The following ABTB3 variants were observed in gnomAD, a reference collection of about 807,000 sequenced individuals.
ABTB3 encodes ankyrin repeat and BTB domain containing 3.
chr12:107,507,571 T>C, the ABTB3 span, among the ~76,000 whole-genome samples: 17 of 152,156 alleles, frequency 1.1e-4, no homozygotes, highest in Non-Finnish European at 2.4e-4. Context: ...CCCAGTGATA[T>C]ACGAGCCCCT....
the ABTB3 span, among the ~76,000 whole-genome samples, chr12:107,519,433 C>A: frequency 2.0e-5 from 3 of 151,622 alleles, no homozygotes; most frequent in Non-Finnish European, 4.4e-5. Context: ...AGCAATTCTC[C>A]TTCCTCAGCC....
At chr12:107,513,698 C>T in the ABTB3 span, among the ~76,000 whole-genome samples, 1 of 152,160 alleles carries the variant, frequency 6.6e-6, no homozygotes. Flanking sequence ...AACATAGACA[C>T]AGAGAAAAGC....
chr12:107,573,059 C>G, the ABTB3 span, among the ~76,000 whole-genome samples: 5 of 152,160 alleles, frequency 3.3e-5, no homozygotes, highest in Non-Finnish European at 7.4e-5. Flanking sequence ...GTGGCACTGA[C>G]CTTCACGCTG....
At chr12:107,646,882 C>G in the ABTB3 span, among the ~76,000 whole-genome samples, 1 of 152,130 alleles carries the variant, frequency 6.6e-6, no homozygotes, top group African/African-American at 2.4e-5. Flanking sequence ...TGCAGATGAC[C>G]GCTGACTAGA....
the ABTB3 span, among the ~76,000 whole-genome samples, chr12:107,537,868 T>C: frequency 6.6e-6 from 1 of 152,102 alleles, no homozygotes; most frequent in African/African-American, 2.4e-5. Flanking sequence ...AGCCACCACT[T>C]CCTGCCAGGC....
chr12:107,564,307 G>A, the ABTB3 span, among the ~76,000 whole-genome samples: 1 of 152,102 alleles, frequency 6.6e-6, no homozygotes, highest in Non-Finnish European at 1.5e-5. Flanking sequence ...CAGCTTTAGA[G>A]AGCCAAGACT....
At chr12:107,461,439 G>A in the ABTB3 span, among the ~76,000 whole-genome samples, 1 of 152,142 alleles carries the variant, frequency 6.6e-6, no homozygotes, top group African/African-American at 2.4e-5. Flanking sequence ...GCCAAGGAAT[G>A]TCAAGGTTTC....
At chr12:107,469,920 T>TTCTTTCTCTCTC in the ABTB3 span, among the ~76,000 whole-genome samples, 42 of 102,004 alleles carry the variant, frequency 4.1e-4, no homozygotes, top group East Asian at 9.2e-4. Flanking sequence ...CTTTCTTTCT[T>TTCTTTCTCTCTC]TCTCTCTCTC....
chr12:107,341,743 A>T, the ABTB3 span, among the ~76,000 whole-genome samples: 2 of 152,266 alleles, frequency 1.3e-5, no homozygotes, highest in African/African-American at 4.8e-5. Context: ...TGTAATCCCC[A>T]GTGTTGGAAG....
At chr12:107,428,798 A>G in the ABTB3 span, among the ~76,000 whole-genome samples, 1 of 152,262 alleles carries the variant, frequency 6.6e-6, no homozygotes, top group Non-Finnish European at 1.5e-5. Context: ...TCTAACATTT[A>G]TTGAGCGTCT....
chr12:107,437,665 G>C, the ABTB3 span, among the ~76,000 whole-genome samples: 2 of 152,106 alleles, frequency 1.3e-5, no homozygotes, highest in African/African-American at 4.8e-5. Context: ...GCCTCCCAAA[G>C]TGCTGGAATC....
the ABTB3 span, among the ~76,000 whole-genome samples, chr12:107,456,881 G>A: frequency 6.6e-6 from 1 of 150,946 alleles, no homozygotes; most frequent in African/African-American, 2.4e-5. Flanking sequence ...TTCTTTTTGA[G>A]ACAGAGTTTC....
the ABTB3 span, among the ~76,000 whole-genome samples, chr12:107,406,241 A>G: frequency 6.6e-6 from 1 of 152,180 alleles, no homozygotes; most frequent in East Asian, 1.9e-4. Context: ...CCATAAATGG[A>G]GCTGGCTACT....
chr12:107,603,632 T>C, the ABTB3 span, among the ~76,000 whole-genome samples: 4 of 152,294 alleles, frequency 2.6e-5, no homozygotes, highest in East Asian at 7.7e-4. Flanking sequence ...TTCCATAACA[T>C]TGGCCTGGGC....
At chr12:107,477,571 C>G in the ABTB3 span, among the ~76,000 whole-genome samples, 1 of 152,096 alleles carries the variant, frequency 6.6e-6, no homozygotes, top group Non-Finnish European at 1.5e-5. Context: ...ATAGGTGGAC[C>G]TGGAATTTTT....
chr12:107,505,503 A>T, the ABTB3 span, among the ~76,000 whole-genome samples: 1 of 152,212 alleles, frequency 6.6e-6, no homozygotes, highest in Admixed American at 6.5e-5. Context: ...TTATTCAGCA[A>T]ATATTGGCTC....
the ABTB3 span, chr12:107,640,211 A>G: frequency 4.1e-5 from 26 of 634,604 alleles, no homozygotes; most frequent in East Asian, 7.5e-4. Context: ...TTTATCACCA[A>G]GATTTCCTTG....
chr12:107,627,624 A>G, the ABTB3 span, among the ~76,000 whole-genome samples: 1 of 152,276 alleles, frequency 6.6e-6, no homozygotes, highest in East Asian at 1.9e-4. Flanking sequence ...TAAGGGCAGA[A>G]GCAGACATAG....
chr12:107,623,286 C>T, the ABTB3 span, among the ~76,000 whole-genome samples: 1 of 148,770 alleles, frequency 6.7e-6, no homozygotes, highest in African/African-American at 2.5e-5. Context: ...GCCTCAATCT[C>T]TTGACCTCGT....
Sources: allele counts gnomAD v4.1 joint callset (sites outside exome capture counted in the v4.1 genomes callset), GRCh38; gene constraint gnomAD v4.1.1; transcripts MANE v1.5; gene names NCBI Gene and HGNC (gene_info 2026-07-23, HGNC 2026-07-21).